The following NBEA variants were observed in gnomAD, a reference collection of about 807,000 sequenced individuals.
NBEA encodes neurobeachin, also known as lysosomal-trafficking regulator 2.
A neutral mutation model predicts 343.4 loss-of-function variants in NBEA; 44 were observed. The ratio of observed to expected loss-of-function variants is 0.13; its 90% confidence interval spans 0.10 to 0.16. The LOEUF (loss-of-function observed/expected upper bound fraction) is 0.16. Among genes scored for constraint, NBEA ranks in the 10% least tolerant of loss-of-function variants. The probability of loss-of-function intolerance (pLI) is 1.00; values close to 1 mark genes in which losing one functional copy is unlikely to be tolerated. For missense variants in NBEA, 2,555 were observed against 3,631.3 expected (o/e 0.70, Z 7.62); for synonymous variants, 1,175 against 1,238.7 (o/e 0.95, Z 1.08).
At chr13:35,288,291 A>G (rs559491204) in intron 34 of NBEA, among the ~76,000 whole-genome samples, 13 of 151,994 alleles carry the variant, frequency 8.6e-5, no homozygotes, top group African/African-American at 2.6e-4. Context: ...TGATTATGTA[A>G]TTTTTGAAGA....
chr13:35,588,937 G>A (rs1026622592), intron 46 of NBEA, among the ~76,000 whole-genome samples: 2 of 151,638 alleles, frequency 1.3e-5, no homozygotes, highest in Non-Finnish European at 3.0e-5. Context: ...ATTATGGCTT[G>A]TTTTGAAAGC....
intron 39 of NBEA, among the ~76,000 whole-genome samples, chr13:35,446,310 A>G (rs1278213193): frequency 1.3e-5 from 2 of 152,184 alleles, no homozygotes; most frequent in Non-Finnish European, 2.9e-5. Flanking sequence ...AGCATGATTT[A>G]TAATCCTTTG....
chr13:35,297,222 T>C (rs1182403973), intron 35 of NBEA, among the ~76,000 whole-genome samples: 1 of 152,048 alleles, frequency 6.6e-6, no homozygotes, highest in African/African-American at 2.4e-5. Context: ...TCTTCCCAAT[T>C]ATTTCAAACT....
chr13:35,593,553 A>G, intron 47 of NBEA, 106 bp downstream of exon 47: 1 of 742,812 alleles, frequency 1.3e-6, no homozygotes, highest in Non-Finnish European at 2.0e-6. Flanking sequence ...GCTTTGTTCC[A>G]TCATATTAAA....
intron 11 of NBEA, among the ~76,000 whole-genome samples, chr13:35,100,875 A>G (rs2065611043): frequency 6.6e-6 from 1 of 151,784 alleles, no homozygotes; most frequent in African/African-American, 2.4e-5. Flanking sequence ...CATGATTCCC[A>G]CCCCTAGTCA....
chr13:35,607,671 G>A (rs1349578523), intron 48 of NBEA, among the ~76,000 whole-genome samples: 1 of 151,944 alleles, frequency 6.6e-6, no homozygotes, highest in African/African-American at 2.4e-5. Flanking sequence ...CATTGTGAGG[G>A]AATTCACATA....
intron 38 of NBEA, among the ~76,000 whole-genome samples, chr13:35,353,564 TATAAC>T (rs1463488800): frequency 6.6e-6 from 1 of 152,176 alleles, no homozygotes; most frequent in Non-Finnish European, 1.5e-5. Flanking sequence ...AAGGTAAAAT[TATAAC>T]ATGTGTCTTT....
chr13:35,013,163 G>A (rs563927758), intron 1 of NBEA, among the ~76,000 whole-genome samples: 1 of 152,196 alleles, frequency 6.6e-6, no homozygotes, highest in African/African-American at 2.4e-5. Context: ...AAATATTTCA[G>A]TGCATACTAT....
At chr13:35,578,768 A>G (rs1720562995) in intron 45 of NBEA, among the ~76,000 whole-genome samples, 1 of 152,214 alleles carries the variant, frequency 6.6e-6, no homozygotes. Flanking sequence ...TTCCTTATCC[A>G]TAATGCTTGG....
At chr13:35,214,026 T>A (rs2073931740) in intron 33 of NBEA, among the ~76,000 whole-genome samples, 1 of 152,008 alleles carries the variant, frequency 6.6e-6, no homozygotes, top group African/African-American at 2.4e-5. Flanking sequence ...GTCTGTCTTC[T>A]TTCATTCATC....
intron 35 of NBEA, among the ~76,000 whole-genome samples, chr13:35,299,802 G>T (rs531054638): frequency 6.6e-6 from 1 of 152,242 alleles, no homozygotes; most frequent in Non-Finnish European, 1.5e-5. Flanking sequence ...CCTTTTTCCT[G>T]TCATTGCCAA....
At chr13:35,398,824 C>T (rs1279378207) in intron 38 of NBEA, among the ~76,000 whole-genome samples, 2 of 152,082 alleles carry the variant, frequency 1.3e-5, no homozygotes, top group Non-Finnish European at 2.9e-5. Flanking sequence ...AAGTTGTCAG[C>T]TGCATTAGCC....
At chr13:35,089,414 G>A (rs1266326989) in intron 10 of NBEA, among the ~76,000 whole-genome samples, 187 of 140,132 alleles carry the variant, frequency 1.3e-3, no homozygotes, top group Non-Finnish European at 2.3e-3. Flanking sequence ...GAAACAACAG[G>A]TGCTGGAGAG....
At chr13:35,456,893 TTTG>T (rs1295258510) in intron 40 of NBEA, among the ~76,000 whole-genome samples, 2 of 151,904 alleles carry the variant, frequency 1.3e-5, no homozygotes, top group African/African-American at 4.8e-5. Flanking sequence ...TTCTTTATGC[TTTG>T]TTAACAGTTC....
chr13:35,137,006 A>G (rs2067769662), intron 17 of NBEA, among the ~76,000 whole-genome samples: 1 of 152,250 alleles, frequency 6.6e-6, no homozygotes, highest in Admixed American at 6.5e-5. Context: ...CAAAAACTAG[A>G]TGACATAAAG....
chr13:35,391,553 T>C (rs1175769758), intron 38 of NBEA, among the ~76,000 whole-genome samples: 1 of 152,210 alleles, frequency 6.6e-6, no homozygotes. Context: ...TGCTTTGCTA[T>C]TTAGTTGCAT....
intron 41 of NBEA, among the ~76,000 whole-genome samples, chr13:35,529,317 G>A (rs2078139621): frequency 2.0e-5 from 3 of 152,110 alleles, no homozygotes; most frequent in Admixed American, 1.3e-4. Flanking sequence ...CATGATTTAT[G>A]ACTTTTAAAG....
chr13:35,526,670 C>A (rs947151789), intron 41 of NBEA, among the ~76,000 whole-genome samples: 5 of 152,206 alleles, frequency 3.3e-5, no homozygotes, highest in Non-Finnish European at 7.3e-5. Context: ...CTCAGCCTGG[C>A]AGGCTATGCT....
At chr13:35,611,297 G>T (rs9530787) in intron 48 of NBEA, among the ~76,000 whole-genome samples, 34,137 of 151,962 alleles carry the variant, frequency 0.22, 4,027 homozygotes, top group Non-Finnish European at 0.24. Context: ...ACCTGGTAAA[G>T]GGATAAACAA....
Sources: allele counts gnomAD v4.1 joint callset (sites outside exome capture counted in the v4.1 genomes callset), GRCh38; gene constraint gnomAD v4.1.1; transcripts MANE v1.5; gene names NCBI Gene and HGNC (gene_info 2026-07-23, HGNC 2026-07-21).